The following QTGAL variants were observed in gnomAD, a reference collection of about 807,000 sequenced individuals.
The protein encoded by QTGAL is queuosine-tRNA galactosyltransferase, also known as BGnT-like protein 1.
the QTGAL span, among the ~76,000 whole-genome samples, chr17:82,960,872 G>T: frequency 2.6e-5 from 4 of 152,242 alleles, no homozygotes; most frequent in African/African-American, 9.6e-5. Context: ...ATGCCCCTTC[G>T]TGGACGCCGA....
chr17:82,942,250 G>A, the QTGAL span: 80 of 640,340 alleles, frequency 1.2e-4, no homozygotes, highest in East Asian at 2.1e-3. Context: ...CAGATGGGGT[G>A]CCCTTCCGAG....
At chr17:82,954,967 A>G in the QTGAL span, among the ~76,000 whole-genome samples, 2 of 152,252 alleles carry the variant, frequency 1.3e-5, no homozygotes, top group Non-Finnish European at 2.9e-5. Flanking sequence ...CTTACAGCTT[A>G]TGAAAAATTA....
chr17:83,006,713 C>T, the QTGAL span: 8 of 985,364 alleles, frequency 8.1e-6, no homozygotes, highest in South Asian at 9.4e-5. This position sits in a 1 kb window ranked among gnomAD's most constrained non-coding sequence, Gnocchi z 5.8. Context: ...GCCCGGCTTT[C>T]GCACTGCTCC....
the QTGAL span, among the ~76,000 whole-genome samples, chr17:82,946,569 A>AGTGTGT: frequency 1.6e-4 from 24 of 150,308 alleles, no homozygotes; most frequent in East Asian, 5.9e-4. Context: ...ACAGAACCCA[A>AGTGTGT]GTGTGTGTGT....
At chr17:82,998,639 C>G in the QTGAL span, among the ~76,000 whole-genome samples, 1 of 152,178 alleles carries the variant, frequency 6.6e-6, no homozygotes, top group East Asian at 1.9e-4. Context: ...GCCACCATGC[C>G]TGGCCCAAAA....
the QTGAL span, chr17:82,957,364 G>T: frequency 3.1e-6 from 5 of 1,613,124 alleles, no homozygotes; most frequent in African/African-American, 4.0e-5. Flanking sequence ...CTCACCTTGC[G>T]CTGGCTGCCG....
At chr17:83,024,210 A>G in the QTGAL span, among the ~76,000 whole-genome samples, 1 of 152,188 alleles carries the variant, frequency 6.6e-6, no homozygotes, top group Admixed American at 6.5e-5. Context: ...TCGTCTGCAG[A>G]AGAGCCCCCA....
chr17:83,005,249 C>A, the QTGAL span: 1 of 1,515,896 alleles, frequency 6.6e-7, no homozygotes, highest in Non-Finnish European at 9.1e-7. This position sits in a 1 kb window ranked among gnomAD's most constrained non-coding sequence, Gnocchi z 5.6. Context: ...AAAACAAAGT[C>A]AGGTACGCAG....
At chr17:82,998,930 A>G in the QTGAL span, among the ~76,000 whole-genome samples, 1 of 150,538 alleles carries the variant, frequency 6.6e-6, no homozygotes, top group African/African-American at 2.5e-5. Context: ...TCACCACGAG[A>G]TACCACTACA....
At chr17:82,993,990 A>G in the QTGAL span, among the ~76,000 whole-genome samples, 1 of 152,154 alleles carries the variant, frequency 6.6e-6, no homozygotes, top group Non-Finnish European at 1.5e-5. Flanking sequence ...ACCAAAACCT[A>G]TAGGATATAG....
the QTGAL span, among the ~76,000 whole-genome samples, chr17:82,962,505 G>GAGGTATTTTCTTTA: frequency 2.1e-5 from 3 of 142,184 alleles, no homozygotes; most frequent in African/African-American, 7.5e-5. Context: ...TCACACGGGT[G>GAGGTATTTTCTTTA]ATTTAGGGTG....
the QTGAL span, chr17:83,048,396 C>T: frequency 2.3e-6 from 3 of 1,321,340 alleles, no homozygotes; most frequent in African/African-American, 4.4e-5. Context: ...ATTTGAACAA[C>T]ATGAAACTGT....
chr17:83,005,215 GA>G, the QTGAL span: 1 of 1,601,176 alleles, frequency 6.2e-7, no homozygotes, highest in Non-Finnish European at 8.5e-7. This position sits in a 1 kb window ranked among gnomAD's most constrained non-coding sequence, Gnocchi z 5.6. Context: ...AATGATCTGT[GA>G]AAAACAACGG....
chr17:83,045,293 T>C, the QTGAL span, among the ~76,000 whole-genome samples: 1 of 152,222 alleles, frequency 6.6e-6, no homozygotes, highest in African/African-American at 2.4e-5. Flanking sequence ...CGTTTATGGT[T>C]AATGGATTTT....
the QTGAL span, among the ~76,000 whole-genome samples, chr17:83,036,742 G>A: frequency 6.6e-6 from 1 of 152,130 alleles, no homozygotes; most frequent in East Asian, 1.9e-4. Flanking sequence ...CTGCCCTGTG[G>A]GCGGTGGGCA....
chr17:83,043,510 A>T, the QTGAL span, among the ~76,000 whole-genome samples: 26 of 152,212 alleles, frequency 1.7e-4, no homozygotes, highest in Non-Finnish European at 2.8e-4. Context: ...AACTTTCAGG[A>T]TGTAGAAAAA....
At chr17:82,966,292 C>T in the QTGAL span, among the ~76,000 whole-genome samples, 2 of 151,992 alleles carry the variant, frequency 1.3e-5, no homozygotes, top group African/African-American at 2.4e-5. Flanking sequence ...CGGCCTCAAG[C>T]GATCCTCCCA....
chr17:83,024,026 C>T, the QTGAL span, among the ~76,000 whole-genome samples: 2 of 152,198 alleles, frequency 1.3e-5, no homozygotes, highest in East Asian at 1.9e-4. Context: ...TCTCTAACAC[C>T]GGAGATGCCA....
the QTGAL span, chr17:83,007,356 C>G: frequency 1.2e-6 from 1 of 808,380 alleles, no homozygotes; most frequent in Non-Finnish European, 1.5e-6. Flanking sequence ...TTCTGTGCAT[C>G]CTGCATAGCA....
Sources: allele counts gnomAD v4.1 joint callset (sites outside exome capture counted in the v4.1 genomes callset), GRCh38; gene constraint gnomAD v4.1.1; non-coding constraint Gnocchi (gnomAD v3.1); transcripts MANE v1.5; gene names NCBI Gene and HGNC (gene_info 2026-07-23, HGNC 2026-07-21).